TRPC4: variants seen among roughly 807,000 people sequenced by gnomAD.
The protein encoded by TRPC4 is transient receptor potential cation channel subfamily C member 4, also known as short transient receptor potential channel 4.
A neutral mutation model predicts 99.4 loss-of-function variants in TRPC4; 49 were observed. That is an observed-to-expected ratio of 0.49 (90% CI 0.39 to 0.63). The LOEUF (loss-of-function observed/expected upper bound fraction) is 0.63. Among genes scored for constraint, TRPC4 ranks in the 20% least tolerant of loss-of-function variants. TRPC4 has a pLI of 0.00. For missense variants in TRPC4, 898 were observed against 1,152.9 expected (o/e 0.78, Z 3.20); for synonymous variants, 454 against 425.9 (o/e 1.07, Z -0.81).
At chr13:37,816,722 T>C (rs950193554) in intron 1 of TRPC4, among the ~76,000 whole-genome samples, 1 of 151,664 alleles carries the variant, frequency 6.6e-6, no homozygotes, top group Admixed American at 6.6e-5. Context: ...TTGGTACATA[T>C]GCAAATCAAT....
intron 6 of TRPC4, among the ~76,000 whole-genome samples, chr13:37,659,191 G>C (rs1320075986): frequency 6.6e-6 from 1 of 152,048 alleles, no homozygotes; most frequent in African/African-American, 2.4e-5. Context: ...GATGAGGGTG[G>C]ATTGTGGGTT....
At chr13:37,797,517 G>A (rs769875205) in intron 1 of TRPC4, among the ~76,000 whole-genome samples, 1 of 151,934 alleles carries the variant, frequency 6.6e-6, no homozygotes, top group Non-Finnish European at 1.5e-5. Context: ...AAACAGTAGC[G>A]AAAAAAGTAG....
In TRPC4 at chr13:37,635,411, T is replaced by C. The variant is rs1474108361; in HGVS notation, c.*1492A>G. Among the ~76,000 whole-genome samples, 1 of 152,078 alleles carries C rather than the reference T, an allele frequency of 6.6e-6. No individual in the cohort carries two copies. Among genetic ancestry groups the C allele is most frequent in the Non-Finnish European group, 1.5e-5 (1 of 68,000 alleles). On this transcript the variant is annotated 3_prime_UTR_variant, in exon 11 of 11. Transcript: ENST00000379705. ...TCAGAGGGCTGTAAAGAGCAGTACA[T>C]AAATGTTAACAGGTGTATAGGAATA...
chr13:37,681,984 A>G (rs1007801720), intron 4 of TRPC4, among the ~76,000 whole-genome samples: 1 of 152,168 alleles, frequency 6.6e-6, no homozygotes, highest in African/African-American at 2.4e-5. Flanking sequence ...ACTCAGGGCT[A>G]TTTGAATGTT....
chr13:37,669,931 A>T (rs1952778920), intron 5 of TRPC4, among the ~76,000 whole-genome samples: 1 of 152,090 alleles, frequency 6.6e-6, no homozygotes, highest in African/African-American at 2.4e-5. Flanking sequence ...CCCCAGTGTG[A>T]TGGTATTTGG....
rs17056542 is a variant in TRPC4 at position 37,735,796 on chromosome 13, G to A, written c.897+10141C>T. ...TATGTACATTTTCTCAGGTGAATTA[G>A]AAGAGTACACTTCCTTGAAAATAAA... On this transcript the variant is annotated intron_variant, in intron 3 of 10. Transcript: ENST00000379705. 9.2e-3 allele frequency among the ~76,000 whole-genome samples: 1,404 copies of A among 152,304 alleles called. 14 individuals are homozygous for A. The highest frequency in any genetic ancestry group is 0.032 in the African/African-American group (1,336 of 41,568).
intron 1 of TRPC4, among the ~76,000 whole-genome samples, chr13:37,814,070 A>C (rs1021447691): frequency 2.0e-5 from 3 of 151,870 alleles, no homozygotes; most frequent in African/African-American, 4.8e-5. Context: ...TACAATAAAA[A>C]AACCCACATC....
intron 3 of TRPC4, 112 bp from the exon 4 acceptor site, chr13:37,692,447 T>G: frequency 1.0e-6 from 1 of 979,600 alleles, no homozygotes; most frequent in Non-Finnish European, 1.5e-6. Flanking sequence ...CTGTTTCACA[T>G]AATTTTACAT....
chr13:37,771,295 G>T (rs1475124752), intron 2 of TRPC4, among the ~76,000 whole-genome samples: 1 of 151,672 alleles, frequency 6.6e-6, no homozygotes, highest in Non-Finnish European at 1.5e-5. Context: ...TTGAAACTTT[G>T]CTAACCAAAA....
intron 2 of TRPC4, among the ~76,000 whole-genome samples, chr13:37,775,513 G>A (rs1956675292): frequency 6.6e-6 from 1 of 150,624 alleles, no homozygotes; most frequent in Non-Finnish European, 1.5e-5. Context: ...CCATCACCTA[G>A]GTATTAGCCC....
chr13:37,860,293 T>A (rs1339584401), intron 1 of TRPC4, among the ~76,000 whole-genome samples: 1 of 151,338 alleles, frequency 6.6e-6, no homozygotes, highest in Non-Finnish European at 1.5e-5. Flanking sequence ...ATATTTTTCT[T>A]TAGGATTATA....
At chr13:37,808,733 CTCTAT>C (rs1395735207) in intron 1 of TRPC4, among the ~76,000 whole-genome samples, 2 of 152,040 alleles carry the variant, frequency 1.3e-5, no homozygotes, top group Admixed American at 1.3e-4. Flanking sequence ...GCCAAGGTTA[CTCTAT>C]TCTGGGATCA....
rs546431039 is a variant in TRPC4 at position 37,635,203 on chromosome 13, C to G, written c.*1700G>C. The stretch of plus-strand genomic sequence containing the variant: ...GGACTTCAGAAGTGGCAATTGTAAC[C>G]CCTGTATATGCATGTTTTATAACTT... On this transcript the variant is annotated 3_prime_UTR_variant, in exon 11 of 11. Coordinates refer to ENST00000379705, the MANE Select transcript of TRPC4 (RefSeq NM_016179.4). 2.6e-5 allele frequency among the ~76,000 whole-genome samples: 4 copies of G among 152,086 alleles called. No individual in the cohort carries two copies.
At chr13:37,639,993 T>A (rs1951666780) in intron 8 of TRPC4, among the ~76,000 whole-genome samples, 1 of 151,892 alleles carries the variant, frequency 6.6e-6, no homozygotes, top group South Asian at 2.1e-4. Context: ...GATTGTTTAA[T>A]GATTGAAAAA....
intron 4 of TRPC4, among the ~76,000 whole-genome samples, chr13:37,684,578 A>G (rs1051684487): frequency 8.5e-5 from 13 of 152,084 alleles, no homozygotes; most frequent in Non-Finnish European, 4.4e-5. Flanking sequence ...GCTTATGTAG[A>G]TAGGAAGACA....
intron 1 of TRPC4, among the ~76,000 whole-genome samples, chr13:37,827,065 C>G (rs548252128): frequency 2.0e-5 from 3 of 152,018 alleles, no homozygotes; most frequent in Non-Finnish European, 4.4e-5. Flanking sequence ...TTGATCGCAT[C>G]GGCTCCTGAG....
At chr13:37,778,219 C>A (rs1956757348) in intron 2 of TRPC4, among the ~76,000 whole-genome samples, 1 of 152,014 alleles carries the variant, frequency 6.6e-6, no homozygotes, top group Admixed American at 6.6e-5. Context: ...CTCTTGAGTT[C>A]CAGCACTGGT....
At chr13:37,639,679 T>C (rs11147662) in intron 8 of TRPC4, among the ~76,000 whole-genome samples, 33,758 of 151,180 alleles carry the variant, frequency 0.22, 4,182 homozygotes, top group Non-Finnish European at 0.28. Context: ...CATGGCAAGA[T>C]TAAGAAGTTA....
chr13:37,796,392 A>C (rs1957246063), intron 1 of TRPC4, among the ~76,000 whole-genome samples: 1 of 152,130 alleles, frequency 6.6e-6, no homozygotes, highest in African/African-American at 2.4e-5. Flanking sequence ...GGGCTTTGTA[A>C]ATATGTTCGC....
Sources: gnomAD v4.1 joint callset for allele counts (sites outside exome capture counted in the v4.1 genomes callset) on GRCh38, gnomAD v4.1.1 for gene constraint, MANE v1.5 for transcripts, NCBI Gene and HGNC (gene_info 2026-07-23, HGNC 2026-07-21) for gene names.